UBE4B: variants seen among roughly 807,000 people sequenced by gnomAD.
The protein encoded by UBE4B is ubiquitination factor E4B.
UBE4B carries 27 observed loss-of-function variants against 148.1 expected under a neutral mutation model. That is an observed-to-expected ratio of 0.18 (90% CI 0.13 to 0.25). The LOEUF (loss-of-function observed/expected upper bound fraction) is 0.25. UBE4B is among the 10% of genes least tolerant of loss of function. The pLI, the probability that UBE4B is intolerant of heterozygous loss-of-function variation, is 1.00. For missense variants in UBE4B, 1,170 were observed against 1,662.4 expected, an observed-to-expected ratio of 0.70 and a Z score of 5.15; for synonymous variants, 596 against 619.3, an observed-to-expected ratio of 0.96 and a Z score of 0.56.
chr1:10,091,819 G>T (rs969098202), intron 2 of UBE4B, among the ~76,000 whole-genome samples: 6 of 152,100 alleles, frequency 3.9e-5, no homozygotes, highest in Admixed American at 3.3e-4. Flanking sequence ...TGGTCAGGCT[G>T]GTCTCTAACT....
intron 25 of UBE4B, among the ~76,000 whole-genome samples, chr1:10,175,588 T>C (rs1195018005): frequency 6.6e-6 from 1 of 151,734 alleles, no homozygotes; most frequent in South Asian, 2.1e-4. Context: ...GAGGTGGAGC[T>C]TGCAGTGAGC....
At position 10,106,130 on chromosome 1, in the gene UBE4B, TTTAG is replaced by T; in HGVS notation, c.810-59_810-56del. The T allele has an allele frequency of 6.7e-7, 1 of 1,491,094 alleles. No homozygotes were observed. The highest frequency in any genetic ancestry group is 9.0e-7 in the Non-Finnish European group (1 of 1,111,546). 92.4% of individuals were successfully genotyped at this position (1,491,094 alleles called of 1,614,324 possible). A position where few individuals can be genotyped will look rare whatever the true frequency, so the allele number is the denominator to read the frequency against. On this transcript the variant is annotated intron_variant, in intron 6 of 27. Transcript: ENST00000343090. The surrounding 1 kb of genome is among the most constrained non-coding windows in gnomAD (Gnocchi z 4.2). Reference sequence around the variant, plus strand: ...CCTTTAAAAGCTTGATATTTTCTGTTTTAGTTAGTTATCTCAAGTTTTTCTTTGA... The same window carrying T: ...CCTTTAAAAGCTTGATATTTTCTGTTTTAGTTATCTCAAGTTTTTCTTTGA...
chr1:10,065,162 A>G (rs1481541733), intron 1 of UBE4B, among the ~76,000 whole-genome samples: 1 of 152,184 alleles, frequency 6.6e-6, no homozygotes, highest in East Asian at 1.9e-4. Context: ...ATGTGTGTAT[A>G]TACATCTATA....
At chr1:10,124,618 T>G (rs973539653) in intron 10 of UBE4B, among the ~76,000 whole-genome samples, 1 of 152,230 alleles carries the variant, frequency 6.6e-6, no homozygotes, top group Non-Finnish European at 1.5e-5. Context: ...ATGGAGCTGT[T>G]GGACTGCAAA....
chr1:10,125,385 T>G (rs1645476659), intron 10 of UBE4B, among the ~76,000 whole-genome samples: 1 of 152,234 alleles, frequency 6.6e-6, no homozygotes, highest in African/African-American at 2.4e-5. Context: ...TTATCTGGCA[T>G]ATGAGAGCAA....
chr1:10,137,147 A>G lies in UBE4B; in HGVS notation c.2305A>G (p.Ile769Val), dbSNP rs761724316. 1.5e-5 allele frequency: 25 copies of G among 1,613,834 alleles called. No homozygotes were observed. The East Asian group carries it at 5.6e-4, about 36-fold the overall frequency. ...FLTLHAHHLS[I>V]LPSCRRYIRR... ...CACCCTGCATGCTCACCACCTCTCT[A>G]TTCTGCCTAGTTGCCGTCGCTATAT... Residue 769 changes from isoleucine to valine, a missense_variant, in exon 17 of 28, where the codon ATT (isoleucine) becomes GTT (valine). Ile to Val is a conservative substitution (Grantham distance 29). This residue lies in a region of UBE4B where 388 missense variants were observed against 536.0 expected (regional missense o/e 0.72). Transcript: ENST00000343090.
At chr1:10,171,524 T>C (rs1321596212) in intron 25 of UBE4B, among the ~76,000 whole-genome samples, 195 bp downstream of exon 25, 2 of 152,202 alleles carry the variant, frequency 1.3e-5, no homozygotes, top group Non-Finnish European at 2.9e-5. Context: ...GGCAGGGGGA[T>C]TGCTTGAGGC....
chr1:10,125,286 T>C (rs539999812), intron 10 of UBE4B, among the ~76,000 whole-genome samples: 6 of 152,380 alleles, frequency 3.9e-5, no homozygotes, highest in African/African-American at 1.4e-4. Context: ...AACTAATTTT[T>C]GGTGATTCTG....
At chr1:10,057,669 G>A in intron 1 of UBE4B, among the ~76,000 whole-genome samples, 1 of 149,986 alleles carries the variant, frequency 6.7e-6, no homozygotes, top group Non-Finnish European at 1.5e-5. Context: ...GGTTGAGGCT[G>A]CAGTGAGTTG....
At chr1:10,074,552 CG>C in intron 2 of UBE4B, among the ~76,000 whole-genome samples, 1 of 152,234 alleles carries the variant, frequency 6.6e-6, no homozygotes, top group South Asian at 2.1e-4. Context: ...TGCAGTCAGG[CG>C]AGGGTTCCCG....
chr1:10,088,778 A>G (rs1644801564), intron 2 of UBE4B, among the ~76,000 whole-genome samples: 1 of 151,874 alleles, frequency 6.6e-6, no homozygotes, highest in South Asian at 2.1e-4. Context: ...CTCTGGGCTC[A>G]AGTGATCCTC....
At chr1:10,156,239 CTT>C (rs199801311) in intron 21 of UBE4B, among the ~76,000 whole-genome samples, 84 of 123,722 alleles carry the variant, frequency 6.8e-4, no homozygotes, top group African/African-American at 1.4e-3. Context: ...ATTTTCTTTT[CTT>C]TTTTTTTTTT....
chr1:10,110,945 G>A (rs1243239434), intron 7 of UBE4B, among the ~76,000 whole-genome samples: 6 of 151,584 alleles, frequency 4.0e-5, no homozygotes, highest in African/African-American at 7.3e-5. Flanking sequence ...GCAGTGAGTC[G>A]TGATCATGCC....
chr1:10,144,297 C>T (rs115641525), intron 17 of UBE4B, among the ~76,000 whole-genome samples: 2,630 of 152,172 alleles, frequency 0.017, 34 homozygotes, highest in Non-Finnish European at 0.027. Context: ...AAAGTAACCT[C>T]GAATTTTCAT....
chr1:10,082,346 C>T (rs1482899245), intron 2 of UBE4B, among the ~76,000 whole-genome samples: 1 of 151,844 alleles, frequency 6.6e-6, no homozygotes, highest in Non-Finnish European at 1.5e-5. Flanking sequence ...AAAAAAAATA[C>T]ACAAATTAGC....
At chr1:10,055,942 A>C (rs545184049) in intron 1 of UBE4B, among the ~76,000 whole-genome samples, 181 of 152,084 alleles carry the variant, frequency 1.2e-3, no homozygotes, top group Non-Finnish European at 2.2e-3. Flanking sequence ...AAAACAAAAC[A>C]AAACCAGAAG....
At chr1:10,059,769 TG>T (rs1449388634) in intron 1 of UBE4B, 1 of 152,414 alleles carries the variant, frequency 6.6e-6, no homozygotes, top group Non-Finnish European at 1.5e-5. Flanking sequence ...CATCCGAAGT[TG>T]TTGAGCGTAT....
intron 5 of UBE4B, among the ~76,000 whole-genome samples, chr1:10,104,040 T>G (rs999612158): frequency 6.6e-6 from 1 of 151,522 alleles, no homozygotes; most frequent in African/African-American, 2.4e-5. Flanking sequence ...GATTACAGGC[T>G]TGAGCCACCG....
chr1:10,100,914 C>G (rs958626989), intron 3 of UBE4B, 194 bp from the exon 4 acceptor site: 1 of 545,602 alleles, frequency 1.8e-6, no homozygotes, highest in African/African-American at 1.9e-5. Context: ...ATATTTCCAA[C>G]ATGTATAAGA....
Sources: gnomAD v4.1 joint callset for allele counts (sites outside exome capture counted in the v4.1 genomes callset) on GRCh38, gnomAD v4.1.1 for gene constraint, gnomAD v4.1.1 regional missense constraint, Gnocchi (gnomAD v3.1) non-coding constraint, MANE v1.5 for transcripts, NCBI Gene and HGNC (gene_info 2026-07-23, HGNC 2026-07-21) for gene names.